PARD3: variants seen among roughly 807,000 people sequenced by gnomAD.
PARD3 encodes par-3 family cell polarity regulator.
PARD3 carries 75 observed loss-of-function variants against 155.4 expected under a neutral mutation model. That is an observed-to-expected ratio of 0.48 (90% CI 0.40 to 0.58). The LOEUF is 0.58. Among genes scored for constraint, PARD3 ranks in the 20% least tolerant of loss-of-function variants. The pLI is 0.00. For synonymous variants in PARD3, 576 were observed against 610.5 expected (o/e 0.94, Z 0.83); for missense variants, 1,642 against 1,721.7 (o/e 0.95, Z 0.82).
chr10:34,320,399 A>T (rs1958300456), intron 19 of PARD3, among the ~76,000 whole-genome samples: 2 of 152,230 alleles, frequency 1.3e-5, no homozygotes. Context: ...ACAATGTCTG[A>T]AACTATAAAC....
At chr10:34,306,909 C>T (rs1216998163) in intron 20 of PARD3, among the ~76,000 whole-genome samples, 1 of 151,340 alleles carries the variant, frequency 6.6e-6, no homozygotes, top group African/African-American at 2.4e-5. Flanking sequence ...TTTTTTGAGA[C>T]GGAGTCTCGT....
At position 34,602,629 on chromosome 10, in the gene PARD3, G is replaced by C. The variant is rs112261664; in HGVS notation, c.223-85470C>G. ...TACTGTTACACTCAACAACACAGAT[G>C]AATCTCACAGATGTAATATGAGAAA... On this transcript the variant is annotated intron_variant, in intron 2 of 24. Coordinates refer to ENST00000374788, the MANE Select transcript of PARD3 (RefSeq NM_001184785.2). 2.0e-5 allele frequency among the ~76,000 whole-genome samples: 3 copies of C among 152,164 alleles called. No homozygotes were observed. The South Asian group carries it at 6.2e-4, about 32-fold the overall frequency.
chr10:34,786,889 T>G (rs7897283), intron 1 of PARD3, among the ~76,000 whole-genome samples: 53,666 of 152,088 alleles, frequency 0.35, 10,609 homozygotes, highest in African/African-American at 0.55. Context: ...AGATCATTAT[T>G]TTAGGTAGAT....
At chr10:34,557,458 G>C (rs1184246723) in intron 2 of PARD3, among the ~76,000 whole-genome samples, 1 of 152,076 alleles carries the variant, frequency 6.6e-6, no homozygotes, top group Non-Finnish European at 1.5e-5. Context: ...GCAACACAGA[G>C]AGAGTCCCAT....
intron 2 of PARD3, among the ~76,000 whole-genome samples, chr10:34,647,051 CA>C (rs1446890598): frequency 6.6e-6 from 1 of 152,136 alleles, no homozygotes; most frequent in Non-Finnish European, 1.5e-5. Context: ...TTTATTTCAG[CA>C]AAGAGCTTTA....
chr10:34,179,708 T>C (rs1950187879), intron 22 of PARD3, among the ~76,000 whole-genome samples: 1 of 152,144 alleles, frequency 6.6e-6, no homozygotes, highest in Non-Finnish European at 1.5e-5. Flanking sequence ...CTACACAACA[T>C]GCATATTCAG....
At chr10:34,377,856 TA>T in intron 10 of PARD3, 110 bp downstream of exon 10, 1 of 756,496 alleles carries the variant, frequency 1.3e-6, no homozygotes, top group Non-Finnish European at 2.0e-6. Context: ...ATACTTCCGC[TA>T]AAATGTATAT....
rs1006646101 is a variant in PARD3, at chr10:34,395,661, C to A, written c.890+3669G>T. On this transcript the variant is annotated intron_variant, in intron 7 of 24. Coordinates refer to ENST00000374788, the MANE Select transcript of PARD3 (RefSeq NM_001184785.2). The stretch of plus-strand genomic sequence containing the variant: ...GACCATCCTGGCTAACAAGGTGAAA[C>A]CCCGTCTCTACTAAAAATACAAAAA... Among the ~76,000 whole-genome samples the A allele has an allele frequency of 2.0e-4, 16 of 78,762 alleles. 4 individuals carry two copies. The highest frequency in any genetic ancestry group is 3.4e-4 in the Admixed American group (3 of 8,858). The allele number at this position is 78,762 out of a possible 152,430, so 51.7% of individuals were successfully genotyped here. A position where few individuals can be genotyped will look rare whatever the true frequency, so the allele number is the denominator to read the frequency against.
chr10:34,601,095 G>C (rs1181177626), intron 2 of PARD3, among the ~76,000 whole-genome samples: 1 of 145,832 alleles, frequency 6.9e-6, no homozygotes, highest in African/African-American at 2.6e-5. Flanking sequence ...ACAGGCGTGA[G>C]CCATTGTGCC....
intron 22 of PARD3, among the ~76,000 whole-genome samples, chr10:34,194,639 T>C (rs1298102149): frequency 1.4e-5 from 2 of 147,700 alleles, no homozygotes; most frequent in Non-Finnish European, 3.0e-5. Flanking sequence ...TTTTCTTAAA[T>C]TAACACTTTT....
intron 2 of PARD3, among the ~76,000 whole-genome samples, chr10:34,565,707 T>C (rs767806102): frequency 1.2e-4 from 19 of 152,282 alleles, no homozygotes; most frequent in Non-Finnish European, 1.6e-4. Context: ...TTTATCTTTA[T>C]GGCATTCACT....
intron 22 of PARD3, among the ~76,000 whole-genome samples, chr10:34,244,182 C>T (rs1400024673): frequency 6.6e-6 from 1 of 152,130 alleles, no homozygotes; most frequent in Non-Finnish European, 1.5e-5. Context: ...AGTACAGTAA[C>T]AGGATGTTAC....
chr10:34,736,125 G>A (rs534212120), intron 1 of PARD3, among the ~76,000 whole-genome samples: 173 of 151,940 alleles, frequency 1.1e-3, no homozygotes, highest in African/African-American at 3.9e-3. Context: ...TCCACCTCCC[G>A]GGTTCACGCC....
intron 4 of PARD3, among the ~76,000 whole-genome samples, chr10:34,450,668 G>A (rs906127795): frequency 3.3e-5 from 5 of 152,104 alleles, no homozygotes; most frequent in African/African-American, 1.2e-4. Flanking sequence ...ACAGCAGGAA[G>A]GGTGGCACAC....
intron 22 of PARD3, among the ~76,000 whole-genome samples, chr10:34,189,973 T>C (rs1356342493): frequency 2.0e-5 from 3 of 152,202 alleles, no homozygotes; most frequent in African/African-American, 7.2e-5. Flanking sequence ...TATCTTTTTT[T>C]ATTGTATGAC....
chr10:34,686,460 G>C (rs2093955290), intron 2 of PARD3, among the ~76,000 whole-genome samples: 1 of 151,522 alleles, frequency 6.6e-6, no homozygotes, highest in South Asian at 2.1e-4. Context: ...ATAGGGCCAG[G>C]CGCAGTAGCT....
rs1433978895 is a variant in PARD3 at position 34,264,396 on chromosome 10, T to A, written c.3419+5261A>T. ...GAACACCATTGAAAGTTGAGAAGCA[T>A]CTGTATTCAGAACGGTTTTTGGCTT... On this transcript the variant is annotated intron_variant, in intron 22 of 24. Coordinates refer to ENST00000374788, the MANE Select transcript of PARD3 (RefSeq NM_001184785.2). 4.6e-5 allele frequency among the ~76,000 whole-genome samples: 7 copies of A among 152,210 alleles called. No individual in the cohort carries two copies. In the South Asian group the frequency reaches 8.3e-4, roughly 18 times the overall value.
intron 2 of PARD3, among the ~76,000 whole-genome samples, chr10:34,643,631 A>T (rs901196202): frequency 3.9e-5 from 6 of 152,184 alleles, no homozygotes; most frequent in Non-Finnish European, 7.3e-5. Context: ...TCTAAAATAA[A>T]ATTATAGGTC....
At chr10:34,739,826 T>C (rs772963191) in intron 1 of PARD3, among the ~76,000 whole-genome samples, 2 of 152,218 alleles carry the variant, frequency 1.3e-5, no homozygotes, top group Admixed American at 6.5e-5. Flanking sequence ...CAAGATTCTA[T>C]GCATAGAGGA....
Sources: allele counts gnomAD v4.1 joint callset (sites outside exome capture counted in the v4.1 genomes callset), GRCh38; gene constraint gnomAD v4.1.1; transcripts MANE v1.5; gene names NCBI Gene and HGNC (gene_info 2026-07-23, HGNC 2026-07-21).